The following ZNF737 variants were observed in gnomAD, a reference collection of about 807,000 sequenced individuals.
ZNF737 encodes the protein zinc finger protein 737.
ZNF737 carries 13 observed loss-of-function variants against 11.7 expected under a neutral mutation model. The ratio of observed to expected loss-of-function variants is 1.11; its 90% confidence interval spans 0.73 to 1.77. The LOEUF (loss-of-function observed/expected upper bound fraction) is 1.77. Ranked by LOEUF, ZNF737 falls within the 40% of genes most tolerant of loss-of-function variation. The pLI is 0.00. For missense variants in ZNF737, 636 were observed against 638.0 expected (o/e 1.00, Z 0.03); for synonymous variants, 217 against 216.2 (o/e 1.00, Z -0.03).
At chr19:20,547,575 A>G (rs782474022) in intron 3 of ZNF737, among the ~76,000 whole-genome samples, 3 of 152,060 alleles carry the variant, frequency 2.0e-5, no homozygotes, top group Non-Finnish European at 4.4e-5. Flanking sequence ...TGAAAACTGA[A>G]TATCAACACT....
chr19:20,552,942 G>A (rs1968743124), intron 2 of ZNF737, among the ~76,000 whole-genome samples: 1 of 151,236 alleles, frequency 6.6e-6, no homozygotes, highest in Non-Finnish European at 1.5e-5. Flanking sequence ...AACCTGGGAG[G>A]TGGATGTTTC....
At chr19:20,531,179 C>T (rs868970645), downstream of ZNF737, among the ~76,000 whole-genome samples, 10 of 143,216 alleles carry the variant, frequency 7.0e-5, no homozygotes, top group Middle Eastern at 3.5e-3. Flanking sequence ...ATGGCAGCAG[C>T]ACAGTCCAGC....
Position 20,541,463 on chromosome 19 carries a change from T to A in ZNF737, c.*3129A>T. 1 of 936,578 alleles carries A rather than the reference T, an allele frequency of 1.1e-6. No homozygotes were observed. Among genetic ancestry groups the A allele is most frequent in the East Asian group, 1.2e-4 (1 of 8,612 alleles). 58.0% of individuals were successfully genotyped at this position (936,578 alleles called of 1,614,324 possible). On this transcript the variant is annotated 3_prime_UTR_variant, in exon 4 of 4. Coordinates refer to ENST00000427401, the MANE Select transcript of ZNF737 (RefSeq NM_001159293.2). ...ATGGATTTTATTTTTATTTTATTTT[T>A]TGAGATGGAGACTCACTCTGTCAGC...
Position 20,553,824 on chromosome 19 carries a change from T to A in ZNF737, c.15A>T (p.Gln5His). Residue 5 changes from glutamine to histidine, a missense_variant, in exon 2 of 4, where the codon CAA (glutamine) becomes CAT (histidine). Gln to His is a conservative substitution (Grantham distance 24). Coordinates refer to ENST00000427401, the MANE Select transcript of ZNF737 (RefSeq NM_001159293.2). MGPL[Q>H]FRDVAIEFSL... ...AGAATTCTATGGCCACGTCTCTAAA[T>A]TGCAATGGCCCCTGAAACACACACA... 6.2e-7 allele frequency: 1 copy of A among 1,613,520 alleles called. No individual in the cohort carries two copies. Among genetic ancestry groups the A allele is most frequent in the East Asian group, 2.2e-5 (1 of 44,864 alleles).
intron 1 of ZNF737, among the ~76,000 whole-genome samples, chr19:20,554,233 T>C (rs1968802709): frequency 6.6e-6 from 1 of 152,086 alleles, no homozygotes; most frequent in South Asian, 2.1e-4. Flanking sequence ...TTATGCAGGG[T>C]TTTTTTCCAG....
chr19:20,544,665 T>C lies in ZNF737; in HGVS notation c.1538A>G (p.Glu513Gly), dbSNP rs571634107. ...GGGGCACTTAAAGCCTTTGCCACAT[T>C]CTTCACATTTGTAGGGTTTCTCTCC... ...HTGEKPYKCE[E>G]CGKGFKCPST... Residue 513 changes from glutamate (E) to glycine (G), a missense_variant, in exon 4 of 4, where the codon GAA (glutamate) becomes GGA (glycine). By Grantham distance (98) the Glu-to-Gly change is moderately conservative. Transcript: ENST00000427401. 9 of 1,609,056 alleles carry C rather than the reference T, an allele frequency of 5.6e-6. No homozygotes were observed. Among genetic ancestry groups the C allele is most frequent in the Non-Finnish European group, 7.6e-6 (9 of 1,177,762 alleles).
chr19:20,561,260 G>A (rs1969082612), intron 1 of ZNF737, among the ~76,000 whole-genome samples: 1 of 152,140 alleles, frequency 6.6e-6, no homozygotes, highest in Non-Finnish European at 1.5e-5. Context: ...TTAGTGTCTG[G>A]GGGTGGGGAT....
intron 1 of ZNF737, among the ~76,000 whole-genome samples, chr19:20,558,467 T>C (rs1214312500): frequency 6.6e-6 from 1 of 152,100 alleles, no homozygotes; most frequent in Non-Finnish European, 1.5e-5. Flanking sequence ...TAGTCTAGAC[T>C]AAAAGCTTCT....
At chr19:20,549,795 T>A (rs1599416853) in intron 3 of ZNF737, among the ~76,000 whole-genome samples, 1 of 151,868 alleles carries the variant, frequency 6.6e-6, no homozygotes, top group South Asian at 2.1e-4. Flanking sequence ...CTGGGGACGG[T>A]GACACACGCC....
chr19:20,557,313 T>A (rs1362908929), intron 1 of ZNF737, among the ~76,000 whole-genome samples: 2 of 152,090 alleles, frequency 1.3e-5, no homozygotes, highest in African/African-American at 4.8e-5. Flanking sequence ...AACTTTGATC[T>A]CTTCTAATCA....
At chr19:20,537,989 G>C (rs952851932), downstream of ZNF737, 5 of 907,316 alleles carry the variant, frequency 5.5e-6, no homozygotes, top group African/African-American at 1.8e-5. Context: ...TTCTGAGGCA[G>C]AGTAAGATTT....
intron 1 of ZNF737, among the ~76,000 whole-genome samples, chr19:20,562,702 G>A (rs1208890871): frequency 2.6e-5 from 4 of 151,950 alleles, no homozygotes; most frequent in African/African-American, 9.7e-5. Context: ...TGATCCGCCT[G>A]TCTCAGCCTC....
In ZNF737 at chr19:20,542,917, G is replaced by C. The variant is rs375069820; in HGVS notation, c.*1675C>G. 2.0e-6 allele frequency: 2 copies of C among 985,008 alleles called. No individual in the cohort carries two copies. Among genetic ancestry groups the C allele is most frequent in the Non-Finnish European group, 1.2e-6 (1 of 829,684 alleles). The allele number at this position is 985,008 out of a possible 1,614,324, so 61.0% of individuals were successfully genotyped here. On this transcript the variant is annotated 3_prime_UTR_variant, in exon 4 of 4. Transcript: ENST00000427401. ...CAGCTTTCAAAAAATTTTATTCAAG[G>C]AAACAAGTATACTTTCAACGTAATT...
intron 1 of ZNF737, chr19:20,563,927 GGGCCGA>G (rs1969199508): frequency 6.6e-6 from 1 of 152,126 alleles, no homozygotes; most frequent in African/African-American, 2.4e-5. Flanking sequence ...GCACTTTGGA[GGGCCGA>G]GGCAGGTAGA....
chr19:20,542,026 T>C lies in ZNF737; in HGVS notation c.*2566A>G. ...AAATTTAATCTATGGGAACAATATT[T>C]AACTCATTTGCAGTTTAAAGCCACT... On this transcript the variant is annotated 3_prime_UTR_variant, in exon 4 of 4. Transcript: ENST00000427401. The C allele has an allele frequency of 1.0e-6, 1 of 984,616 alleles. No homozygotes were observed. The allele number at this position is 984,616 out of a possible 1,614,324, so 61.0% of individuals were successfully genotyped here.
downstream of ZNF737, among the ~76,000 whole-genome samples, chr19:20,537,242 C>T (rs1968005680): frequency 6.6e-6 from 1 of 150,700 alleles, no homozygotes; most frequent in African/African-American, 2.4e-5. Context: ...CTCTTGTTGC[C>T]CAGGCTGGAG....
rs782699011 is a variant in ZNF737 at position 20,545,493 on chromosome 19, G to T, written c.710C>A (p.Ala237Asp). The T allele has an allele frequency of 9.3e-6, 15 of 1,613,186 alleles. No individual in the cohort carries two copies. In the South Asian group the frequency reaches 1.6e-4, roughly 18 times the overall value. The stretch of plus-strand genomic sequence containing the variant: ...AGTAAGGTATGAAAACCGGCTAAAG[G>T]CTTTGCCACAGTCTTCACATTTGTA... Reference protein sequence around the residue: ...KRYKCEDCGKAFSRFSYLTAH... With the variant: ...KRYKCEDCGKDFSRFSYLTAH... The change falls in exon 4 of 4, where the codon GCC becomes GAC. Residue 237 changes from alanine (A) to aspartate (D), a missense_variant. Ala to Asp is a moderately radical substitution (Grantham distance 126). Coordinates refer to ENST00000427401, the MANE Select transcript of ZNF737 (RefSeq NM_001159293.2).
At chr19:20,530,991 T>C (rs1464853819), downstream of ZNF737, among the ~76,000 whole-genome samples, 18 of 148,962 alleles carry the variant, frequency 1.2e-4, no homozygotes, top group African/African-American at 4.0e-4. Context: ...CTCAGGATGC[T>C]GAGGCTGGCG....
Position 20,544,106 on chromosome 19 carries a change from T to A in ZNF737, c.*486A>T. The A allele has an allele frequency of 5.1e-6, 5 of 987,704 alleles. No individual in the cohort carries two copies. The highest frequency in any genetic ancestry group is 6.0e-6 in the Non-Finnish European group (5 of 827,166). The allele number at this position is 987,704 out of a possible 1,614,324, so 61.2% of individuals were successfully genotyped here. A position where few individuals can be genotyped will look rare whatever the true frequency, so the allele number is the denominator to read the frequency against. ...TCATGGCACTGTACTCCAGCTTGGATGACAAGCATGAAACTTCATCTCAAA... is the reference window on the plus strand; with the variant it reads ...TCATGGCACTGTACTCCAGCTTGGAAGACAAGCATGAAACTTCATCTCAAA... On this transcript the variant is annotated 3_prime_UTR_variant, in exon 4 of 4. Coordinates refer to ENST00000427401, the MANE Select transcript of ZNF737 (RefSeq NM_001159293.2).
Sources: gnomAD v4.1 joint callset for allele counts (sites outside exome capture counted in the v4.1 genomes callset) on GRCh38, gnomAD v4.1.1 for gene constraint, MANE v1.5 for transcripts, NCBI Gene and HGNC (gene_info 2026-07-23, HGNC 2026-07-21) for gene names.